CTNNA3: variants seen among roughly 807,000 people sequenced by gnomAD.
CTNNA3 encodes the protein catenin alpha 3.
A neutral mutation model predicts 95.7 loss-of-function variants in CTNNA3; 76 were observed. The observed-to-expected ratio is 0.79, with a 90% CI of 0.66 to 0.96. The LOEUF is 0.96. Among genes scored for constraint, CTNNA3 ranks in the 40% least tolerant of loss-of-function variants. The pLI is 0.00. For missense variants in CTNNA3, 1,191 were observed against 1,089.8 expected (o/e 1.09, Z -1.31); for synonymous variants, 431 against 374.4 (o/e 1.15, Z -1.74).
rs1050511029 is a variant in CTNNA3 at position 67,350,165 on chromosome 10, T to C, written c.580-130295A>G. 5.3e-5 allele frequency among the ~76,000 whole-genome samples: 8 copies of C among 152,208 alleles called. No homozygotes were observed. In the East Asian group the frequency reaches 1.5e-3, roughly 29 times the overall value. ...GTTTAGCTATATTAATCTGTCAAGG[T>C]CACTCAGCTAGCGTGTGGCAGAGCT... On this transcript the variant is annotated intron_variant, in intron 5 of 17. Transcript: ENST00000433211.
chr10:66,399,661 T>G (rs2093005041), intron 11 of CTNNA3, among the ~76,000 whole-genome samples: 1 of 152,024 alleles, frequency 6.6e-6, no homozygotes, highest in Non-Finnish European at 1.5e-5. Flanking sequence ...TACAGATCTA[T>G]GCTGTCATCT....
intron 5 of CTNNA3, among the ~76,000 whole-genome samples, chr10:67,500,817 C>T (rs966976093): frequency 9.2e-5 from 14 of 152,120 alleles, no homozygotes; most frequent in African/African-American, 3.4e-4. Flanking sequence ...TGTGCCTCTG[C>T]ACGTGCGATG....
chr10:66,755,743 T>A (rs1839339635), intron 9 of CTNNA3, among the ~76,000 whole-genome samples: 2 of 152,152 alleles, frequency 1.3e-5, no homozygotes, highest in Non-Finnish European at 2.9e-5. Context: ...ACGTTGCCAG[T>A]CCTTCTGTCT....
intron 7 of CTNNA3, among the ~76,000 whole-genome samples, chr10:66,804,384 G>A (rs564538798): frequency 1.3e-5 from 2 of 151,842 alleles, no homozygotes; most frequent in African/African-American, 4.8e-5. Flanking sequence ...CTACATCCGC[G>A]CATCTGTATC....
At chr10:66,148,738 C>T (rs1226850846) in intron 13 of CTNNA3, among the ~76,000 whole-genome samples, 1 of 151,962 alleles carries the variant, frequency 6.6e-6, no homozygotes, top group Non-Finnish European at 1.5e-5. Flanking sequence ...ATTATCCACT[C>T]TAAAGTAATT....
chr10:66,762,070 G>T (rs753607712), intron 9 of CTNNA3, among the ~76,000 whole-genome samples: 1 of 152,126 alleles, frequency 6.6e-6, no homozygotes, highest in African/African-American at 2.4e-5. Context: ...TATAGACTTT[G>T]CTATCAGAGG....
intron 10 of CTNNA3, among the ~76,000 whole-genome samples, chr10:66,570,320 G>T (rs1842832355): frequency 6.7e-6 from 1 of 148,742 alleles, no homozygotes; most frequent in Non-Finnish European, 1.5e-5. Flanking sequence ...ACAGAGTCTC[G>T]CTCTGTCGCC....
At chr10:67,384,751 G>C (rs553182782) in intron 5 of CTNNA3, among the ~76,000 whole-genome samples, 1 of 152,262 alleles carries the variant, frequency 6.6e-6, no homozygotes, top group South Asian at 2.1e-4. Flanking sequence ...CTTTCTGAGA[G>C]CTTAGAAATA....
At chr10:67,296,656 G>A (rs757107036) in intron 5 of CTNNA3, among the ~76,000 whole-genome samples, 7 of 151,980 alleles carry the variant, frequency 4.6e-5, no homozygotes, top group Admixed American at 1.3e-4. Flanking sequence ...GTGCTGGGCC[G>A]GGCGTGGCAG....
chr10:67,067,644 A>G (rs1407098923), intron 7 of CTNNA3, among the ~76,000 whole-genome samples: 1 of 152,230 alleles, frequency 6.6e-6, no homozygotes, highest in Non-Finnish European at 1.5e-5. Flanking sequence ...CATCCTAGGT[A>G]ACAGCTAAGA....
intron 7 of CTNNA3, among the ~76,000 whole-genome samples, chr10:66,852,145 C>T (rs1199601259): frequency 6.6e-6 from 1 of 152,112 alleles, no homozygotes; most frequent in Admixed American, 6.6e-5. Context: ...TAAAAAAGCT[C>T]AATTCAAATG....
intron 10 of CTNNA3, among the ~76,000 whole-genome samples, chr10:66,609,743 G>C (rs534371124): frequency 1.3e-5 from 2 of 152,110 alleles, no homozygotes; most frequent in East Asian, 3.9e-4. Context: ...CAATCCTAGT[G>C]CTGGGTATAT....
chr10:67,236,157 C>T (rs1351160331), intron 5 of CTNNA3, among the ~76,000 whole-genome samples: 1 of 148,344 alleles, frequency 6.7e-6, no homozygotes, highest in Admixed American at 6.7e-5. Context: ...CATCCCATTA[C>T]TGGGTATATA....
intron 13 of CTNNA3, among the ~76,000 whole-genome samples, chr10:66,115,559 TA>T (rs1564660473): frequency 1.4e-4 from 20 of 142,764 alleles, no homozygotes; most frequent in Non-Finnish European, 1.9e-4. Flanking sequence ...GATAGATAGA[TA>T]GATAGATAGA....
intron 7 of CTNNA3, among the ~76,000 whole-genome samples, chr10:66,907,703 C>T (rs1004840482): frequency 6.6e-6 from 1 of 152,112 alleles, no homozygotes; most frequent in Non-Finnish European, 1.5e-5. Context: ...AGAACATCAT[C>T]AATATCAAGT....
chr10:66,412,583 C>T (rs2093115073), intron 11 of CTNNA3, among the ~76,000 whole-genome samples: 1 of 151,540 alleles, frequency 6.6e-6, no homozygotes, highest in South Asian at 2.1e-4. Flanking sequence ...TCTCAGCCTC[C>T]CAAGTAGCTG....
At chr10:66,907,797 T>G (rs1158308386) in intron 7 of CTNNA3, among the ~76,000 whole-genome samples, 1 of 152,160 alleles carries the variant, frequency 6.6e-6, no homozygotes, top group African/African-American at 2.4e-5. Flanking sequence ...CTTCCTTGAT[T>G]CTTATTTTCA....
chr10:66,319,590 A>G (rs6480159), intron 12 of CTNNA3, among the ~76,000 whole-genome samples: 115,328 of 152,010 alleles, frequency 0.76, 44,026 homozygotes, highest in Non-Finnish European at 0.78. Flanking sequence ...CTATATCTTA[A>G]CTTCCAGGGA....
At chr10:66,146,540 C>A (rs1487199047) in intron 13 of CTNNA3, among the ~76,000 whole-genome samples, 1 of 152,004 alleles carries the variant, frequency 6.6e-6, no homozygotes, top group African/African-American at 2.4e-5. Context: ...GTTAATAAAG[C>A]ATGTATTCTG....
Sources: gnomAD v4.1 joint callset for allele counts (sites outside exome capture counted in the v4.1 genomes callset) on GRCh38, gnomAD v4.1.1 for gene constraint, MANE v1.5 for transcripts, NCBI Gene and HGNC (gene_info 2026-07-23, HGNC 2026-07-21) for gene names.